USP30: variants seen among roughly 807,000 people sequenced by gnomAD.
USP30 encodes ubiquitin specific peptidase 30.
Under a neutral mutation model 68.2 loss-of-function variants are expected in USP30, and 41 were observed. The observed-to-expected ratio is 0.60, with a 90% CI of 0.47 to 0.78. The LOEUF (loss-of-function observed/expected upper bound fraction) is 0.78, where lower values mean the gene tolerates loss of function less well. Among genes scored for constraint, USP30 ranks in the 30% least tolerant of loss-of-function variants. USP30 has a pLI of 0.00. For synonymous variants in USP30, 229 were observed against 253.7 expected (o/e 0.90, Z 0.93); for missense variants, 522 against 649.4 (o/e 0.80, Z 2.13).
intron 3 of USP30, among the ~76,000 whole-genome samples, chr12:109,043,545 C>T (rs2040579121): frequency 6.6e-6 from 1 of 152,014 alleles, no homozygotes; most frequent in South Asian, 2.1e-4. Flanking sequence ...ATGAAGTTGC[C>T]CCTTACCTAA....
At position 109,086,003 on chromosome 12, in the gene USP30, T is replaced by C. The variant is rs1043898480; in HGVS notation, c.*72T>C. 7.7e-5 allele frequency: 117 copies of C among 1,517,952 alleles called. 1 individual carries two copies. The highest frequency in any genetic ancestry group is 6.8e-5 in the Non-Finnish European group (77 of 1,129,470). The allele number at this position is 1,517,952 out of a possible 1,614,324, so 94.0% of individuals were successfully genotyped here. ...CCAGGAAAAAAGTAAAACTGTACTG[T>C]TGCGTGTGCAAGCGGCCCCACTAGA... is the stretch of plus-strand genomic sequence containing the variant. On this transcript the variant is annotated 3_prime_UTR_variant, in exon 13 of 13. Transcript: ENST00000257548.
chr12:109,080,913 T>G (rs558674255), intron 7 of USP30, among the ~76,000 whole-genome samples: 1 of 152,224 alleles, frequency 6.6e-6, no homozygotes, highest in African/African-American at 2.4e-5. Context: ...TCTAGGTTCT[T>G]GTAAGCGCGC....
intron 4 of USP30, among the ~76,000 whole-genome samples, chr12:109,068,278 C>T (rs544848283): frequency 9.2e-5 from 14 of 152,320 alleles, no homozygotes; most frequent in Non-Finnish European, 1.0e-4. Context: ...AGCCACACTT[C>T]CAAGATGGCC....
At chr12:109,026,809 A>G (rs948637081) in intron 2 of USP30, among the ~76,000 whole-genome samples, 3 of 152,148 alleles carry the variant, frequency 2.0e-5, no homozygotes, top group Non-Finnish European at 4.4e-5. Context: ...GACAAGTTCA[A>G]GATCAAAGTG....
rs749963128 is a variant in USP30, at chr12:109,086,007, G to A, written c.*76G>A. On this transcript the variant is annotated 3_prime_UTR_variant, in exon 13 of 13. Transcript: ENST00000257548. ...GAAAAAAGTAAAACTGTACTGTTGC[G>A]TGTGCAAGCGGCCCCACTAGAGCCT... 3.9e-5 allele frequency: 59 copies of A among 1,501,060 alleles called. No individual in the cohort carries two copies. Among genetic ancestry groups the A allele is most frequent in the Admixed American group, 1.9e-4 (9 of 48,208 alleles). The allele number at this position is 1,501,060 out of a possible 1,614,324, so 93.0% of individuals were successfully genotyped here.
At chr12:109,073,621 G>A (rs1039506280) in intron 7 of USP30, 89 bp downstream of exon 7, 22 of 1,162,574 alleles carry the variant, frequency 1.9e-5, no homozygotes, top group African/African-American at 3.1e-5. Flanking sequence ...GGCTGACATC[G>A]GTCACTGGTG....
intron 7 of USP30, among the ~76,000 whole-genome samples, chr12:109,077,126 T>G (rs984713109): frequency 1.3e-5 from 2 of 152,212 alleles, no homozygotes; most frequent in Non-Finnish European, 2.9e-5. Flanking sequence ...TGAATTTGAT[T>G]TGCTAATATT....
intron 7 of USP30, among the ~76,000 whole-genome samples, chr12:109,079,351 CTTTTTTTTT>C (rs71079521): frequency 6.4e-4 from 31 of 48,790 alleles, no homozygotes; most frequent in African/African-American, 1.1e-3. Context: ...TTTTTTTTTT[CTTTTTTTTT>C]TTTTTTTTTT....
intron 1 of USP30, 128 bp from the exon 2 acceptor site, chr12:109,056,554 A>G (rs2040882225): frequency 1.7e-6 from 1 of 603,908 alleles, no homozygotes. Context: ...TCCTATGACT[A>G]TATGTTACTT....
chr12:109,051,572 C>CTTTT (rs35169304), upstream of USP30, among the ~76,000 whole-genome samples: 1 of 96,020 alleles, frequency 1.0e-5, no homozygotes, highest in Non-Finnish European at 2.0e-5. Flanking sequence ...CACCTGACCT[C>CTTTT]TTTTTTTTTT....
At chr12:109,081,495 A>G in intron 8 of USP30, 102 bp downstream of exon 8, 1 of 1,197,248 alleles carries the variant, frequency 8.4e-7, no homozygotes, top group Non-Finnish European at 1.2e-6. Context: ...TGTGTAATTC[A>G]GATACATGGT....
At chr12:109,056,146 C>T (rs2040869946) in intron 1 of USP30, among the ~76,000 whole-genome samples, 1 of 151,410 alleles carries the variant, frequency 6.6e-6, no homozygotes, top group African/African-American at 2.4e-5. Context: ...TGAGAAGTAG[C>T]CTTTGGAATG....
intron 3 of USP30, among the ~76,000 whole-genome samples, chr12:109,036,935 G>A (rs754377417): frequency 1.3e-5 from 2 of 151,684 alleles, no homozygotes; most frequent in African/African-American, 4.9e-5. Flanking sequence ...GGAGTTCATT[G>A]AGCTTCTTTG....
rs146031591 is a variant in USP30 at position 109,031,374 on chromosome 12, C to T, written c.-136+3818C>T. Among the ~76,000 whole-genome samples, 239 of 152,304 alleles carry T rather than the reference C, an allele frequency of 1.6e-3. 2 individuals are homozygous for T. The highest frequency in any genetic ancestry group is 5.6e-3 in the African/African-American group (234 of 41,574). On this transcript the variant is annotated intron_variant, in intron 3 of 15. Coordinates refer to the USP30 transcript ENST00000392784. ...CACTTAACTCAGTTTTTTTCCAGAG[C>T]ACATCATCTTCACTTCCAATTCAGC...
chr12:109,057,936 T>G lies in USP30; in HGVS notation c.204T>G (p.Pro68=). The change falls in exon 3 of 13, where the codon CCT becomes CCG. Residue 68 remains proline (P), a synonymous_variant. Transcript: ENST00000257548. ...CTGCTTTTTTTTTAGGGCTTGTGCC[T>G]GGCCTTGTTAATTTAGGGAACACCT... ...ERKKRRKGLV[P]GLVNLGNTCF... 2.5e-6 allele frequency: 4 copies of G among 1,613,282 alleles called. No homozygotes were observed. The highest frequency in any genetic ancestry group is 3.4e-6 in the Non-Finnish European group (4 of 1,179,642).
chr12:109,080,028 G>T (rs943581476), intron 7 of USP30, among the ~76,000 whole-genome samples: 2 of 152,194 alleles, frequency 1.3e-5, no homozygotes, highest in Non-Finnish European at 2.9e-5. Context: ...ACTCAACTCT[G>T]TCTCCCCTAC....
chr12:109,079,339 C>CTTTTTTTTTTTTTT (rs750712233), intron 7 of USP30, among the ~76,000 whole-genome samples: 11 of 62,250 alleles, frequency 1.8e-4, no homozygotes, highest in Non-Finnish European at 2.6e-4. Context: ...TTTTCTTTTT[C>CTTTTTTTTTTTTTT]TTTTTTTTTT....
At chr12:109,055,400 A>ATATATTTTTTTTTT (rs1298811530) in intron 1 of USP30, among the ~76,000 whole-genome samples, 5 of 24,472 alleles carry the variant, frequency 2.0e-4, no homozygotes, top group South Asian at 1.5e-3. Flanking sequence ...ATATATATAT[A>ATATATTTTTTTTTT]TTTTTTTTTT....
At chr12:109,064,649 C>T (rs1259301526) in intron 3 of USP30, among the ~76,000 whole-genome samples, 1 of 152,168 alleles carries the variant, frequency 6.6e-6, no homozygotes, top group Non-Finnish European at 1.5e-5. Context: ...CATTTGCTTC[C>T]AGCTCCTTGT....
Sources: allele counts gnomAD v4.1 joint callset (sites outside exome capture counted in the v4.1 genomes callset), GRCh38; gene constraint gnomAD v4.1.1; transcripts MANE v1.5; gene names NCBI Gene and HGNC (gene_info 2026-07-23, HGNC 2026-07-21).